PTDSS2: variants seen among roughly 807,000 people sequenced by gnomAD.
PTDSS2 encodes phosphatidylserine synthase 2.
In PTDSS2, 41 loss-of-function variants were observed where a neutral mutation model predicts 64.7. The ratio of observed to expected loss-of-function variants is 0.63; its 90% CI spans 0.49 to 0.82. The LOEUF is 0.82. Among genes scored for constraint, PTDSS2 ranks in the 40% least tolerant of loss-of-function variants. The pLI is 0.00. For synonymous variants in PTDSS2, 297 were observed against 277.8 expected (o/e 1.07, Z -0.69); for missense variants, 485 against 650.0 (o/e 0.75, Z 2.76).
At chr11:490,093 T>C (rs768404395) in intron 11 of PTDSS2, 25 bp downstream of exon 11, 2 of 1,584,046 alleles carry the variant, frequency 1.3e-6, no homozygotes, top group Admixed American at 1.7e-5. Flanking sequence ...GGCGCGTATG[T>C]TCTGAAGGAG....
intron 1 of PTDSS2, among the ~76,000 whole-genome samples, chr11:452,079 G>C (rs1846354826): frequency 6.6e-6 from 1 of 152,150 alleles, no homozygotes; most frequent in African/African-American, 2.4e-5. Context: ...GGAGCAAGGA[G>C]ACCAGACTGG....
In PTDSS2 at chr11:479,368, G is replaced by A; in HGVS notation, c.435+216G>A. The A allele has an allele frequency of 1.6e-6, 1 of 607,106 alleles. No homozygotes were observed. Among genetic ancestry groups the A allele is most frequent in the East Asian group, 2.8e-5 (1 of 36,124 alleles). The allele number at this position is 607,106 out of a possible 1,614,324, so 37.6% of individuals were successfully genotyped here. ...GCAAAGCTAGACCTTCAAAACGTAGGCCGAGCTGCGGGGGGCCTCCAGGAG... is the reference window on the plus strand; with the variant it reads ...GCAAAGCTAGACCTTCAAAACGTAGACCGAGCTGCGGGGGGCCTCCAGGAG... On this transcript the variant is annotated intron_variant, in intron 4 of 11. Transcript: ENST00000308020. The surrounding 1 kb of genome is among the most constrained non-coding windows in gnomAD (Gnocchi z 4.2).
intron 2 of PTDSS2, among the ~76,000 whole-genome samples, chr11:469,723 C>G (rs1847331887): frequency 6.6e-6 from 1 of 152,038 alleles, no homozygotes; most frequent in Admixed American, 6.5e-5. Context: ...GTGAGCACAC[C>G]CAGGCCCAGA....
At chr11:454,294 G>C (rs1846483776) in intron 1 of PTDSS2, among the ~76,000 whole-genome samples, 1 of 152,190 alleles carries the variant, frequency 6.6e-6, no homozygotes, top group Non-Finnish European at 1.5e-5. Flanking sequence ...CCAGGGCCAG[G>C]AGGGTGCTGG....
intron 5 of PTDSS2, 125 bp from the exon 6 acceptor site, chr11:487,295 C>A: frequency 1.9e-6 from 2 of 1,044,212 alleles, no homozygotes; most frequent in Non-Finnish European, 3.0e-6. Context: ...CACGGCAGCA[C>A]CTGTGAGTCC....
At chr11:490,354 C>G in intron 11 of PTDSS2, 66 bp from the exon 12 acceptor site, 1 of 1,601,834 alleles carries the variant, frequency 6.2e-7, no homozygotes, top group Non-Finnish European at 8.5e-7. Context: ...TAGGTGCCAG[C>G]TGTCCATGGG....
rs184459843 is a variant in PTDSS2, at chr11:461,818, C to T, written c.284+1530C>T. ...TAGGCTCCAGAAATAGATGAGGGAG[C>T]ATGTGCCGTGCCTGGGGCCCCTGTG... is the stretch of plus-strand genomic sequence containing the variant. On this transcript the variant is annotated intron_variant, in intron 2 of 11. Coordinates refer to ENST00000308020, the MANE Select transcript of PTDSS2 (RefSeq NM_030783.3). This position sits in a 1 kb window ranked among gnomAD's most constrained non-coding sequence, Gnocchi z 4.2. Among the ~76,000 whole-genome samples the T allele has an allele frequency of 1.7e-4, 26 of 152,318 alleles. No individual in the cohort carries two copies. The East Asian group carries it at 4.8e-3, about 28-fold the overall frequency.
Position 491,058 on chromosome 11 carries a change from G to A in PTDSS2, c.*476G>A, listed in dbSNP as rs552080046. Reference sequence around the variant, plus strand: ...TCTCGGTACCCTTTCTGCACTCCGTGGGCCCTGGGTGCGCTGAGGCCTGGA... The same window carrying A: ...TCTCGGTACCCTTTCTGCACTCCGTAGGCCCTGGGTGCGCTGAGGCCTGGA... On this transcript the variant is annotated 3_prime_UTR_variant, in exon 12 of 12. Transcript: ENST00000308020. The A allele has an allele frequency of 3.6e-5, 6 of 166,226 alleles. No homozygotes were observed. The highest frequency in any genetic ancestry group is 3.0e-4 in the South Asian group (2 of 6,604). 10.3% of individuals were successfully genotyped at this position (166,226 alleles called of 1,614,324 possible). A position where few individuals can be genotyped will look rare whatever the true frequency, so the allele number is the denominator to read the frequency against.
chr11:455,460 T>G (rs2133755521), intron 1 of PTDSS2, among the ~76,000 whole-genome samples: 1 of 152,332 alleles, frequency 6.6e-6, no homozygotes, highest in South Asian at 2.1e-4. Context: ...CCTGTCTGTC[T>G]GTGCTGTGGG....
At position 482,100 on chromosome 11, in the gene PTDSS2, C is replaced by T. The variant is rs542624415; in HGVS notation, c.435+2948C>T. On this transcript the variant is annotated intron_variant, in intron 4 of 11. Transcript: ENST00000308020. ...ACCTCAGGTGATCCGCCCACCTTGG[C>T]CTCCCAAAGTGCTGGGATTATGGGC... is the stretch of plus-strand genomic sequence containing the variant. 6.5e-4 allele frequency among the ~76,000 whole-genome samples: 99 copies of T among 152,190 alleles called. 1 individual carries two copies. The highest frequency in any genetic ancestry group is 2.3e-3 in the African/African-American group (96 of 41,526).
At chr11:464,411 G>A (rs576309735) in intron 2 of PTDSS2, among the ~76,000 whole-genome samples, 26 of 152,216 alleles carry the variant, frequency 1.7e-4, no homozygotes, top group Admixed American at 1.2e-3. Context: ...ATGGGGGTGC[G>A]AAAGTGTTCA....
At chr11:484,509 T>A (rs1332776244) in intron 4 of PTDSS2, among the ~76,000 whole-genome samples, 4 of 151,930 alleles carry the variant, frequency 2.6e-5, no homozygotes, top group African/African-American at 9.7e-5. Flanking sequence ...AGTGCAGGGG[T>A]GCGTGTGTGC....
chr11:472,843 T>A (rs1847536794), intron 2 of PTDSS2, among the ~76,000 whole-genome samples: 1 of 152,178 alleles, frequency 6.6e-6, no homozygotes, highest in African/African-American at 2.4e-5. Flanking sequence ...GTGTGCAGCT[T>A]CCCTCACGGC....
Position 488,584 on chromosome 11 carries a change from C to T in PTDSS2, c.791C>T (p.Thr264Ile). ...CTGGGCATCTACTGCGGCATGAAGA[C>T]CCTTGAGTGGCTGTCCCTGAAGACG... ...NGLGIYCGMK[T>I]LEWLSLKTYK... Residue 264 changes from threonine (T) to isoleucine (I), a missense_variant, in exon 8 of 12, where the codon ACC becomes ATC. Physicochemically the swap from Thr to Ile is moderately conservative, Grantham distance 89. Transcript: ENST00000308020. 6.2e-7 allele frequency: 1 copy of T among 1,613,602 alleles called. No homozygotes were observed. Among genetic ancestry groups the T allele is most frequent in the Non-Finnish European group, 8.5e-7 (1 of 1,179,972 alleles).
chr11:465,618 G>C (rs1261764479), intron 2 of PTDSS2, among the ~76,000 whole-genome samples: 1 of 152,144 alleles, frequency 6.6e-6, no homozygotes, highest in Non-Finnish European at 1.5e-5. Context: ...TTGATCAATT[G>C]GACTTCATTA....
Position 487,447 on chromosome 11 carries a change from CA to C in PTDSS2, c.599del (p.His200ProfsTer7). The C allele has an allele frequency of 6.2e-7, 1 of 1,613,974 alleles. No homozygotes were observed. Among genetic ancestry groups the C allele is most frequent in the Non-Finnish European group, 8.5e-7 (1 of 1,179,990 alleles). ...WDKLDGFVPA[H>X]FLGWYLKTLM... ...CAAGTTGGATGGCTTTGTTCCCGCG[CA>C]CTTTCTTGGCTGGTACCTGAAGGTA... On this transcript the variant is annotated frameshift_variant, in exon 6 of 12. Coordinates refer to ENST00000308020, the MANE Select transcript of PTDSS2 (RefSeq NM_030783.3). LOFTEE classifies it high-confidence loss of function.
At chr11:481,525 C>A (rs1297628648) in intron 4 of PTDSS2, among the ~76,000 whole-genome samples, 1 of 152,204 alleles carries the variant, frequency 6.6e-6, no homozygotes, top group Non-Finnish European at 1.5e-5. Context: ...TAATTTCTTC[C>A]AACAATGTGT....
rs943623120 is a variant in PTDSS2 at position 490,799 on chromosome 11, C to A, written c.*217C>A. 3 of 574,298 alleles carry A rather than the reference C, an allele frequency of 5.2e-6. No individual in the cohort carries two copies. In the Admixed American group the frequency reaches 9.6e-5, roughly 18 times the overall value. The allele number at this position is 574,298 out of a possible 1,614,324, so 35.6% of individuals were successfully genotyped here. A position where few individuals can be genotyped will look rare whatever the true frequency, so the allele number is the denominator to read the frequency against. ...GTGTACGTGTGTATGCGTGTGTGTA[C>A]GCGTGTGTACGCGCGTGTGTACACA... On this transcript the variant is annotated 3_prime_UTR_variant, in exon 12 of 12. Transcript: ENST00000308020.
chr11:478,186 C>T (rs1281026022), intron 3 of PTDSS2, among the ~76,000 whole-genome samples: 1 of 151,868 alleles, frequency 6.6e-6, no homozygotes. Flanking sequence ...CAAAAATTCA[C>T]ATTCATCCAT....
Sources: allele counts gnomAD v4.1 joint callset (sites outside exome capture counted in the v4.1 genomes callset), GRCh38; gene constraint gnomAD v4.1.1; non-coding constraint Gnocchi (gnomAD v3.1); transcripts MANE v1.5; gene names NCBI Gene and HGNC (gene_info 2026-07-23, HGNC 2026-07-21).